PROSER2: variants seen among roughly 807,000 people sequenced by gnomAD.
PROSER2 encodes the protein proline and serine-rich protein 2.
Under a neutral mutation model 14.6 loss-of-function variants are expected in PROSER2, and 18 were observed. The ratio of observed to expected loss-of-function variants is 1.23; its 90% CI spans 0.85 to 1.83. The LOEUF is 1.83. Among genes scored for constraint, PROSER2 ranks in the 40% most tolerant of loss-of-function variants. PROSER2 has a pLI of 0.00. For synonymous variants in PROSER2, 367 were observed against 286.4 expected, an observed-to-expected ratio of 1.28 and a Z score of -2.84; for missense variants, 823 against 629.8, an observed-to-expected ratio of 1.31 and a Z score of -3.28.
chr10:11,849,713 A>G (rs996530256), intron 1 of PROSER2: 1 of 152,308 alleles, frequency 6.6e-6, no homozygotes, highest in African/African-American at 2.4e-5. Flanking sequence ...TAATCCAACT[A>G]GAGAATCCGG....
At position 11,870,522 on chromosome 10, in the gene PROSER2, C is replaced by A. The variant is rs1834465145; in HGVS notation, c.*116C>A. On this transcript the variant is annotated 3_prime_UTR_variant, in exon 4 of 4. Transcript: ENST00000277570. ...TGGAAGTGACAGCGGGAGCCCCTGC[C>A]CTCTGTGGCACATCGGAGTCTAGAG... 1 of 912,432 alleles carries A rather than the reference C, an allele frequency of 1.1e-6. No individual in the cohort carries two copies. Among genetic ancestry groups the A allele is most frequent in the Non-Finnish European group, 1.5e-6 (1 of 648,026 alleles). 56.5% of individuals were successfully genotyped at this position (912,432 alleles called of 1,614,324 possible).
At chr10:11,833,082 G>A (rs1425095559) in intron 1 of PROSER2, among the ~76,000 whole-genome samples, 1 of 151,552 alleles carries the variant, frequency 6.6e-6, no homozygotes, top group Non-Finnish European at 1.5e-5. Context: ...GACCTCAAGT[G>A]ATCCGCCCAC....
In PROSER2 at chr10:11,835,419, G is replaced by A. The variant is rs376932674; in HGVS notation, c.-82+11949G>A. The stretch of plus-strand genomic sequence containing the variant: ...AACTAGGGTAAAATCCTATTTTTAC[G>A]AAAGTAGTCTATAAATTACTTTTAG... On this transcript the variant is annotated intron_variant, in intron 1 of 3. Coordinates refer to ENST00000277570, the MANE Select transcript of PROSER2 (RefSeq NM_153256.4). Among the ~76,000 whole-genome samples, 41 of 152,286 alleles carry A rather than the reference G, an allele frequency of 2.7e-4. No individual in the cohort carries two copies. The South Asian group carries it at 8.5e-3, about 32-fold the overall frequency.
At chr10:11,832,907 G>A (rs892153298) in intron 1 of PROSER2, among the ~76,000 whole-genome samples, 8 of 152,008 alleles carry the variant, frequency 5.3e-5, no homozygotes, top group African/African-American at 1.7e-4. Flanking sequence ...CAGTGGCTCA[G>A]TCTTTGCTTA....
chr10:11,854,914 T>A (rs1283171951), intron 2 of PROSER2, among the ~76,000 whole-genome samples: 1 of 151,990 alleles, frequency 6.6e-6, no homozygotes, highest in African/African-American at 2.4e-5. Context: ...TTTTTTTTTT[T>A]AATGTGACTT....
In PROSER2 at chr10:11,851,876, C is replaced by T. The variant is rs138833024; in HGVS notation, c.-81-121C>T. ...ACTGGTTGACTTAGCGTTTCCCAAT[C>T]GCCTTTACCCTAATGGTCGAGTCTG... On this transcript the variant is annotated intron_variant, in intron 1 of 3. Coordinates refer to ENST00000277570, the MANE Select transcript of PROSER2 (RefSeq NM_153256.4). 5.3e-5 allele frequency: 23 copies of T among 430,240 alleles called. No individual in the cohort carries two copies. In the East Asian group the frequency reaches 6.2e-4, roughly 12 times the overall value. 26.7% of individuals were successfully genotyped at this position (430,240 alleles called of 1,614,324 possible).
rs1255508301 is a variant in PROSER2 at position 11,837,944 on chromosome 10, T to C, written c.-81-14053T>C. On this transcript the variant is annotated intron_variant, in intron 1 of 3. Coordinates refer to ENST00000277570, the MANE Select transcript of PROSER2 (RefSeq NM_153256.4). The surrounding 1 kb of genome is among the most constrained non-coding windows in gnomAD (Gnocchi z 4.6). ...GCGGTCTTCGGACTTCCCTCCTGAA[T>C]TGCCCCGGGGTTTCTAGGTGGTGCC... Among the ~76,000 whole-genome samples, 1 of 151,910 alleles carries C rather than the reference T, an allele frequency of 6.6e-6. No individual in the cohort carries two copies. The highest frequency in any genetic ancestry group is 1.5e-5 in the Non-Finnish European group (1 of 67,972).
chr10:11,833,669 T>G (rs939801914), intron 1 of PROSER2, among the ~76,000 whole-genome samples: 2 of 151,998 alleles, frequency 1.3e-5, no homozygotes, highest in Non-Finnish European at 2.9e-5. Flanking sequence ...CCAGCCTGGG[T>G]GACAAGAGTG....
intron 3 of PROSER2, among the ~76,000 whole-genome samples, chr10:11,868,527 T>G (rs1242883308): frequency 6.6e-6 from 1 of 152,156 alleles, no homozygotes; most frequent in Non-Finnish European, 1.5e-5. Flanking sequence ...CCACCTCAGC[T>G]TCCCAGATTG....
rs1007685232 is a variant in PROSER2, at chr10:11,870,157, G to A, written c.1059G>A (p.Lys353=). Residue 353 remains lysine (K), a synonymous_variant, in exon 4 of 4, where the codon AAG becomes AAA. Coordinates refer to ENST00000277570, the MANE Select transcript of PROSER2 (RefSeq NM_153256.4). Reference sequence around the variant, plus strand: ...TCCCAAGTGCGCACGAGGCCCTGAAGAGCGCACCCAGCTCCTTCGCGCCCG... The same window carrying A: ...TCCCAAGTGCGCACGAGGCCCTGAAAAGCGCACCCAGCTCCTTCGCGCCCG... The part of the protein sequence containing the change: ...NGFPSAHEAL[K]SAPSSFAPAG... The A allele has an allele frequency of 2.0e-6, 3 of 1,464,312 alleles. No individual in the cohort carries two copies. Among genetic ancestry groups the A allele is most frequent in the Non-Finnish European group, 1.8e-6 (2 of 1,115,302 alleles). The allele number at this position is 1,464,312 out of a possible 1,614,324, so 90.7% of individuals were successfully genotyped here.
intron 2 of PROSER2, among the ~76,000 whole-genome samples, chr10:11,861,915 C>T (rs1183037464): frequency 3.3e-5 from 5 of 152,194 alleles, no homozygotes; most frequent in African/African-American, 9.7e-5. Context: ...TGCAAGATGT[C>T]TACACTGGAA....
At position 11,837,371 on chromosome 10, in the gene PROSER2, C is replaced by G. The variant is rs74116460; in HGVS notation, c.-82+13901C>G. ...CCACTGTGTGACAAGTGCTTAGGGA[C>G]ATTTGTAGGTAGAAGACATGAACAC... On this transcript the variant is annotated intron_variant, in intron 1 of 3. Coordinates refer to ENST00000277570, the MANE Select transcript of PROSER2 (RefSeq NM_153256.4). The surrounding 1 kb of genome is among the most constrained non-coding windows in gnomAD (Gnocchi z 4.6). 0.015 allele frequency among the ~76,000 whole-genome samples: 2,222 copies of G among 152,306 alleles called. 45 individuals carry two copies. Among genetic ancestry groups the G allele is most frequent in the African/African-American group, 0.051 (2,105 of 41,550 alleles).
intron 3 of PROSER2, among the ~76,000 whole-genome samples, chr10:11,867,507 C>T (rs979485825): frequency 6.6e-6 from 1 of 150,660 alleles, no homozygotes; most frequent in Non-Finnish European, 1.5e-5. Context: ...ACCTGTAGTC[C>T]CAGCTGGTCC....
intron 1 of PROSER2, among the ~76,000 whole-genome samples, chr10:11,841,556 G>C (rs530030378): frequency 2.6e-5 from 4 of 152,124 alleles, no homozygotes; most frequent in Non-Finnish European, 5.9e-5. Context: ...TGATGTTTGA[G>C]CTGCATCCCA....
rs1372550557 is a variant in PROSER2, at chr10:11,823,573, A to T, written c.-82+103A>T. 2.6e-5 allele frequency: 4 copies of T among 152,390 alleles called. No homozygotes were observed. Among genetic ancestry groups the T allele is most frequent in the South Asian group, 2.1e-4 (1 of 4,834 alleles). 9.4% of individuals were successfully genotyped at this position (152,390 alleles called of 1,614,324 possible). On this transcript the variant is annotated intron_variant, in intron 1 of 3. Coordinates refer to ENST00000277570, the MANE Select transcript of PROSER2 (RefSeq NM_153256.4). This position sits in a 1 kb window ranked among gnomAD's most constrained non-coding sequence, Gnocchi z 6.2. ...TGGCTGGGACGCCGGCGGGTCGGGC[A>T]GAGAGGGGGCGCCGGACCCTGCCTT...
chr10:11,831,519 C>T (rs1833688931), intron 1 of PROSER2, among the ~76,000 whole-genome samples: 1 of 152,144 alleles, frequency 6.6e-6, no homozygotes, highest in Admixed American at 6.6e-5. Flanking sequence ...CAGTGTCTCT[C>T]TTCACAAACA....
chr10:11,828,096 C>T (rs1373316479), intron 1 of PROSER2, among the ~76,000 whole-genome samples: 1 of 152,062 alleles, frequency 6.6e-6, no homozygotes, highest in African/African-American at 2.4e-5. Context: ...TGTCAGGTTT[C>T]AGCCCCCAAT....
chr10:11,857,761 A>AAG (rs887348791), intron 2 of PROSER2, among the ~76,000 whole-genome samples: 2 of 151,098 alleles, frequency 1.3e-5, no homozygotes, highest in East Asian at 1.9e-4. Flanking sequence ...AAAAAAAAAA[A>AAG]AAAGAAACCC....
At chr10:11,864,110 A>C (rs1331678583) in intron 2 of PROSER2, among the ~76,000 whole-genome samples, 2 of 152,202 alleles carry the variant, frequency 1.3e-5, no homozygotes, top group African/African-American at 4.8e-5. Context: ...AGACAGGCTG[A>C]CATGGGAGAT....
Sources: gnomAD v4.1 joint callset for allele counts (sites outside exome capture counted in the v4.1 genomes callset) on GRCh38, gnomAD v4.1.1 for gene constraint, Gnocchi (gnomAD v3.1) non-coding constraint, MANE v1.5 for transcripts, NCBI Gene and HGNC (gene_info 2026-07-23, HGNC 2026-07-21) for gene names.